The following C1QTNF9 variants were observed in gnomAD, a reference collection of about 807,000 sequenced individuals.
The protein encoded by C1QTNF9 is complement C1q and tumor necrosis factor-related protein 9A.
A neutral mutation model predicts 10.1 loss-of-function variants in C1QTNF9; 6 were observed. That is an observed-to-expected ratio of 0.59 (90% confidence interval 0.32 to 1.17). The LOEUF is 1.17. Among genes scored for constraint, C1QTNF9 ranks in the 50% most tolerant of loss-of-function variants. C1QTNF9 has a pLI of 0.04. For synonymous variants in C1QTNF9, 98 were observed against 163.5 expected, an observed-to-expected ratio of 0.60 and a Z score of 3.06; for missense variants, 201 against 418.8, an observed-to-expected ratio of 0.48 and a Z score of 4.54.
intron 1 of C1QTNF9, among the ~76,000 whole-genome samples, chr13:24,312,046 G>A (rs1004480746): frequency 2.6e-5 from 4 of 152,196 alleles, no homozygotes; most frequent in African/African-American, 9.7e-5. Flanking sequence ...TAGAAGCCCA[G>A]CTAAAATTTC....
At chr13:24,316,257 T>C in intron 2 of C1QTNF9, 88 bp downstream of exon 2, 3 of 1,522,620 alleles carry the variant, frequency 2.0e-6, no homozygotes, top group Non-Finnish European at 2.7e-6. Flanking sequence ...ATTTTCCACC[T>C]ACCCACTCAC....
chr13:24,316,543 T>C lies in C1QTNF9; in HGVS notation c.166+374T>C, dbSNP rs551789934. ...TGATGGATTTTTGGCAACAAAAGGCTAATAGAGAGATCTGATCACGAATTA... is the reference window on the plus strand; with the variant it reads ...TGATGGATTTTTGGCAACAAAAGGCCAATAGAGAGATCTGATCACGAATTA... On this transcript the variant is annotated intron_variant, in intron 2 of 3. Coordinates refer to ENST00000332018, the Ensembl canonical transcript of C1QTNF9. Among the ~76,000 whole-genome samples the C allele has an allele frequency of 6.0e-4, 91 of 152,328 alleles. 2 individuals carry two copies. The highest frequency in any genetic ancestry group is 2.1e-3 in the African/African-American group (88 of 41,570).
At chr13:24,313,072 A>C (rs1293883132) in intron 1 of C1QTNF9, among the ~76,000 whole-genome samples, 1 of 152,198 alleles carries the variant, frequency 6.6e-6, no homozygotes, top group East Asian at 1.9e-4. Flanking sequence ...GTTCGAGTCC[A>C]GCCTGGGCAA....
At chr13:24,318,585 C>T (rs9580937) in intron 2 of C1QTNF9, among the ~76,000 whole-genome samples, 24,953 of 151,370 alleles carry the variant, frequency 0.16, 1,908 homozygotes, top group East Asian at 0.29. Flanking sequence ...TAGAGATGGG[C>T]GCTTGGGAAG....
At chr13:24,315,933 G>GCCCC in intron 1 of C1QTNF9, 49 bp from the exon 2 acceptor site, 1 of 1,600,292 alleles carries the variant, frequency 6.2e-7, no homozygotes, top group Non-Finnish European at 8.5e-7. Flanking sequence ...TGTGTCCAGG[G>GCCCC]CCCCAGCAAC....
chr13:24,318,089 T>A (rs1479664233), intron 2 of C1QTNF9, among the ~76,000 whole-genome samples: 1 of 152,124 alleles, frequency 6.6e-6, no homozygotes, highest in Admixed American at 6.5e-5. Flanking sequence ...CTCTGCTGCT[T>A]TGTGAGAAGC....
chr13:24,316,396 G>A (rs1257758596), intron 2 of C1QTNF9, among the ~76,000 whole-genome samples: 1 of 152,074 alleles, frequency 6.6e-6, no homozygotes, highest in Non-Finnish European at 1.5e-5. Context: ...CCAGGTGCTG[G>A]TGGAGAGCAC....
intron 1 of C1QTNF9, among the ~76,000 whole-genome samples, chr13:24,315,108 G>A (rs1035043398): frequency 3.9e-5 from 6 of 152,164 alleles, no homozygotes; most frequent in Non-Finnish European, 8.8e-5. Flanking sequence ...GTGGCATTAT[G>A]TACGTTCTCT....
chr13:24,316,008 G>A lies in C1QTNF9; in HGVS notation c.5G>A (p.Arg2Lys), dbSNP rs745634527. 3.2e-5 allele frequency: 52 copies of A among 1,613,722 alleles called. 4 individuals carry two copies. In the South Asian group the frequency reaches 5.5e-4, roughly 17 times the overall value. The stretch of plus-strand genomic sequence containing the variant: ...TCAGAGTCTGTCATCTGAACCATGA[G>A]GATCTGGTGGCTTCTGCTTGCCATT... The change falls in exon 2 of 4, where the codon AGG (arginine) becomes AAG (lysine). Residue 2 changes from arginine (R) to lysine (K), a missense_variant. This residue lies in a region of C1QTNF9 where 53 missense variants were observed against 81.6 expected (regional missense o/e 0.65). Coordinates refer to ENST00000332018, the Ensembl canonical transcript of C1QTNF9.
exon 3 of C1QTNF9, chr13:24,318,853 G>C: frequency 6.2e-7 from 1 of 1,614,236 alleles, no homozygotes; most frequent in Non-Finnish European, 8.5e-7. Flanking sequence ...GGGGAAGGAT[G>C]GGACGAGTGG....
intron 2 of C1QTNF9, among the ~76,000 whole-genome samples, chr13:24,317,443 CT>C (rs989591203): frequency 3.3e-5 from 5 of 152,106 alleles, no homozygotes; most frequent in African/African-American, 1.2e-4. Context: ...TTTCTCTCCT[CT>C]TTTCTCACCA....
At chr13:24,314,183 T>C (rs796230354) in intron 1 of C1QTNF9, among the ~76,000 whole-genome samples, 15 of 152,328 alleles carry the variant, frequency 9.8e-5, no homozygotes, top group African/African-American at 3.4e-4. Context: ...CTATCAGCAC[T>C]GTGAGAGGAT....
At chr13:24,312,471 T>G (rs577181851) in intron 1 of C1QTNF9, among the ~76,000 whole-genome samples, 1 of 152,010 alleles carries the variant, frequency 6.6e-6, no homozygotes, top group Non-Finnish European at 1.5e-5. Flanking sequence ...AAGTCAAGAG[T>G]GTAACTGTAG....
rs1209076397 is a variant in C1QTNF9, at chr13:24,312,747, G to C, written c.-23+3131G>C. 3.3e-5 allele frequency among the ~76,000 whole-genome samples: 5 copies of C among 151,880 alleles called. No homozygotes were observed. The East Asian group carries it at 7.7e-4, about 23-fold the overall frequency. Reference sequence around the variant, plus strand: ...CGAGGTGGGCGAATCACAAGGTCAGGAAATCGAGACCATCCTGGCTAACAT... The same window carrying C: ...CGAGGTGGGCGAATCACAAGGTCAGCAAATCGAGACCATCCTGGCTAACAT... On this transcript the variant is annotated intron_variant, in intron 1 of 3. Transcript: ENST00000332018.
chr13:24,315,748 A>G lies in C1QTNF9; in HGVS notation c.-22-234A>G, dbSNP rs1356949422. 6 of 529,618 alleles carry G rather than the reference A, an allele frequency of 1.1e-5. No homozygotes were observed. In the Admixed American group the frequency reaches 1.6e-4, roughly 14 times the overall value. The allele number at this position is 529,618 out of a possible 1,614,324, so 32.8% of individuals were successfully genotyped here. On this transcript the variant is annotated intron_variant, in intron 1 of 3. Coordinates refer to ENST00000332018, the Ensembl canonical transcript of C1QTNF9. ...CCTGACCTTAAACTTGGCTTTTTAA[A>G]TTGCCCGTTCACCTTGAAGAGTGGT...
intron 1 of C1QTNF9, 105 bp from the exon 2 acceptor site, chr13:24,315,877 G>A (rs1878001307): frequency 8.1e-7 from 1 of 1,234,432 alleles, no homozygotes; most frequent in South Asian, 1.4e-5. Flanking sequence ...GTGTGGGTCT[G>A]GGGCAGGGGA....
chr13:24,309,074 A>G (rs1043278667), upstream of C1QTNF9, among the ~76,000 whole-genome samples: 2 of 152,024 alleles, frequency 1.3e-5, no homozygotes, highest in African/African-American at 2.4e-5. Flanking sequence ...CCGGGATCCA[A>G]ATGAGACCCA....
chr13:24,308,300 G>T (rs1877677122), upstream of C1QTNF9, among the ~76,000 whole-genome samples: 1 of 152,206 alleles, frequency 6.6e-6, no homozygotes. Flanking sequence ...GGGACCCGTC[G>T]CGCGTTCCGT....
chr13:24,321,461 A>G, exon 4 of C1QTNF9: 1 of 1,613,570 alleles, frequency 6.2e-7, no homozygotes, highest in Non-Finnish European at 8.5e-7. Flanking sequence ...AACGAATTCA[A>G]CCATTATGAT....
Sources: gnomAD v4.1 joint callset for allele counts (sites outside exome capture counted in the v4.1 genomes callset) on GRCh38, gnomAD v4.1.1 for gene constraint, gnomAD v4.1.1 regional missense constraint, MANE v1.5 for transcripts, NCBI Gene and HGNC (gene_info 2026-07-23, HGNC 2026-07-21) for gene names.